The following ELAPOR2 variants were observed in gnomAD, a reference collection of about 807,000 sequenced individuals.
ELAPOR2 encodes the protein endosome/lysosome-associated apoptosis and autophagy regulator family member 2.
In ELAPOR2, 89 loss-of-function variants were observed where a neutral mutation model predicts 120.7. The observed-to-expected ratio is 0.74, with a 90% CI of 0.62 to 0.88. The LOEUF (loss-of-function observed/expected upper bound fraction) is 0.88, where lower values mean the gene tolerates loss of function less well. Among genes scored for constraint, ELAPOR2 ranks in the 40% least tolerant of loss-of-function variants. ELAPOR2 has a pLI of 0.00. For missense variants in ELAPOR2, 1,134 were observed against 1,251.6 expected, an observed-to-expected ratio of 0.91 and a Z score of 1.42; for synonymous variants, 444 against 444.9, an observed-to-expected ratio of 1.00 and a Z score of 0.03.
Position 86,877,694 on chromosome 7 carries a change from C to T in ELAPOR2, c.*2777G>A, listed in dbSNP as rs1799219822. On this transcript the variant is annotated 3_prime_UTR_variant, in exon 22 of 22. Coordinates refer to ENST00000450689, the MANE Select transcript of ELAPOR2 (RefSeq NM_001142749.3). ...GTCTTGAAGAAGCAGTCAATCATGA[C>T]CCACCTGGGGACCTGGAGACCCCAG... 2 of 152,112 alleles carry T rather than the reference C, an allele frequency of 1.3e-5. No homozygotes were observed. The highest frequency in any genetic ancestry group is 1.3e-4 in the Admixed American group (2 of 15,260). The allele number at this position is 152,112 out of a possible 1,614,324, so 9.4% of individuals were successfully genotyped here. A position where few individuals can be genotyped will look rare whatever the true frequency, so the allele number is the denominator to read the frequency against.
At chr7:86,983,520 G>C (rs1188806894) in intron 1 of ELAPOR2, among the ~76,000 whole-genome samples, 6 of 152,164 alleles carry the variant, frequency 3.9e-5, no homozygotes, top group Non-Finnish European at 5.9e-5. Flanking sequence ...GAAGAGAGTG[G>C]GGGCCAATAT....
intron 13 of ELAPOR2, among the ~76,000 whole-genome samples, chr7:86,914,018 G>GA (rs1789445795): frequency 6.6e-6 from 1 of 152,128 alleles, no homozygotes; most frequent in Non-Finnish European, 1.5e-5. Context: ...ACAATCTGGG[G>GA]AATTTATTCC....
chr7:87,031,961 C>T (rs111821134), intron 1 of ELAPOR2, among the ~76,000 whole-genome samples: 3,693 of 152,164 alleles, frequency 0.024, 170 homozygotes, highest in African/African-American at 0.085. Context: ...TACAATTCCA[C>T]TTATCTAAAA....
chr7:87,056,605 C>A (rs1036565156), intron 1 of ELAPOR2, among the ~76,000 whole-genome samples: 3 of 152,194 alleles, frequency 2.0e-5, no homozygotes, highest in African/African-American at 7.2e-5. Flanking sequence ...CTCCCCCTTT[C>A]GACTTCATAA....
At chr7:87,003,758 A>G (rs1793388957) in intron 1 of ELAPOR2, among the ~76,000 whole-genome samples, 1 of 152,212 alleles carries the variant, frequency 6.6e-6, no homozygotes, top group Non-Finnish European at 1.5e-5. Flanking sequence ...TTATAGCACA[A>G]GAGTGCCTGA....
chr7:86,956,200 T>C (rs1562942288), intron 2 of ELAPOR2, among the ~76,000 whole-genome samples: 1 of 152,070 alleles, frequency 6.6e-6, no homozygotes, highest in East Asian at 1.9e-4. Context: ...TCACTAAGAG[T>C]TGGCGGTGAA....
chr7:86,997,697 G>A (rs780491054), intron 1 of ELAPOR2, among the ~76,000 whole-genome samples: 7 of 152,112 alleles, frequency 4.6e-5, no homozygotes, highest in Non-Finnish European at 8.8e-5. Context: ...GAACCATCAT[G>A]AGCATCCATT....
chr7:87,029,102 A>G (rs1794344176), intron 1 of ELAPOR2, among the ~76,000 whole-genome samples: 1 of 152,036 alleles, frequency 6.6e-6, no homozygotes, highest in African/African-American at 2.4e-5. Flanking sequence ...TTCTTCCTAC[A>G]TTTATCACCA....
At chr7:87,015,709 ACCAGCTACTC>A (rs1297661338) in intron 1 of ELAPOR2, among the ~76,000 whole-genome samples, 3 of 152,080 alleles carry the variant, frequency 2.0e-5, no homozygotes, top group Non-Finnish European at 2.9e-5. Flanking sequence ...AATTGCTTGA[ACCAGCTACTC>A]CCAGCTACTC....
chr7:87,003,475 T>A (rs1445508908), intron 1 of ELAPOR2, among the ~76,000 whole-genome samples: 2 of 152,078 alleles, frequency 1.3e-5, no homozygotes, highest in Non-Finnish European at 2.9e-5. Flanking sequence ...ATCTGGTTAT[T>A]TAAAAGTATG....
intron 1 of ELAPOR2, among the ~76,000 whole-genome samples, chr7:86,971,755 T>C (rs1470706715): frequency 1.3e-5 from 2 of 152,074 alleles, no homozygotes; most frequent in Non-Finnish European, 2.9e-5. Flanking sequence ...CTAATTGACT[T>C]ATCAAGGCAA....
Position 86,902,777 on chromosome 7 carries a change from G to A in ELAPOR2, c.2558+4893C>T, listed in dbSNP as rs142048346. Among the ~76,000 whole-genome samples the A allele has an allele frequency of 2.3e-3, 357 of 152,268 alleles. 1 individual carries two copies. The highest frequency in any genetic ancestry group is 8.3e-3 in the African/African-American group (343 of 41,538). ...GGTGGCAACCTAGGATTCAGTCTGT[G>A]AGATGGGGGCTTGCTAACAGGAACC... On this transcript the variant is annotated intron_variant, in intron 18 of 21. Transcript: ENST00000450689.
intron 1 of ELAPOR2, among the ~76,000 whole-genome samples, chr7:86,968,780 T>A (rs1302959609): frequency 6.6e-6 from 1 of 152,216 alleles, no homozygotes; most frequent in Non-Finnish European, 1.5e-5. Flanking sequence ...CACATTGATA[T>A]GAGTCAGAGC....
chr7:86,965,812 A>C (rs1486805009), intron 1 of ELAPOR2: 1 of 985,146 alleles, frequency 1.0e-6, no homozygotes, highest in African/African-American at 1.7e-5. Flanking sequence ...TCAATACCTT[A>C]CTTATTCAGT....
rs1795360391 is a variant in ELAPOR2 at position 87,059,356 on chromosome 7, G to A, written c.158C>T (p.Ser53Phe). The change falls in exon 1 of 22, where the codon TCC (serine) becomes TTC (phenylalanine). Residue 53 changes from serine (S) to phenylalanine (F), a missense_variant. Physicochemically the swap from Ser to Phe is radical, Grantham distance 155. Around this residue, in one of 3 missense-constraint regions of ELAPOR2, gnomAD observed 280 missense variants for 331.5 expected, o/e 0.84. Transcript: ENST00000450689. ...QAAWAGDLPS[S>F]SSRPLPPCQE... ...GCAAGGAGGAAGCGGGCGGCTGGAG[G>A]AGGAGGGCAGGTCCCCAGCCCAGGC... The A allele has an allele frequency of 8.0e-7, 1 of 1,247,666 alleles. No homozygotes were observed. Among genetic ancestry groups the A allele is most frequent in the Non-Finnish European group, 1.0e-6 (1 of 988,782 alleles). The allele number at this position is 1,247,666 out of a possible 1,614,324, so 77.3% of individuals were successfully genotyped here. A position where few individuals can be genotyped will look rare whatever the true frequency, so the allele number is the denominator to read the frequency against.
chr7:87,037,846 G>T (rs911274800), intron 1 of ELAPOR2, among the ~76,000 whole-genome samples: 4 of 152,126 alleles, frequency 2.6e-5, no homozygotes, highest in African/African-American at 9.7e-5. Flanking sequence ...TGTGCATCCT[G>T]TAAAGCACTA....
chr7:86,904,000 A>T (rs1374610531), intron 18 of ELAPOR2, among the ~76,000 whole-genome samples: 1 of 152,132 alleles, frequency 6.6e-6, no homozygotes, highest in African/African-American at 2.4e-5. Context: ...GCCCATGAGG[A>T]ATTGGATGAA....
At chr7:87,037,637 C>G in intron 1 of ELAPOR2, among the ~76,000 whole-genome samples, 1 of 152,130 alleles carries the variant, frequency 6.6e-6, no homozygotes, top group East Asian at 1.9e-4. Flanking sequence ...CTTTTATGTT[C>G]CTTCATTTGC....
At chr7:86,897,134 A>G (rs1369867172) in intron 19 of ELAPOR2, among the ~76,000 whole-genome samples, 1 of 152,148 alleles carries the variant, frequency 6.6e-6, no homozygotes, top group Admixed American at 6.6e-5. Context: ...TCTTGATTTT[A>G]TATGTATATG....
Sources: gnomAD v4.1 joint callset for allele counts (sites outside exome capture counted in the v4.1 genomes callset) on GRCh38, gnomAD v4.1.1 for gene constraint, gnomAD v4.1.1 regional missense constraint, MANE v1.5 for transcripts, NCBI Gene and HGNC (gene_info 2026-07-23, HGNC 2026-07-21) for gene names.